The following ELOVL7 variants were observed in gnomAD, a reference collection of about 807,000 sequenced individuals.
The protein encoded by ELOVL7 is very long chain fatty acid elongase 7.
Under a neutral mutation model 35.7 loss-of-function variants are expected in ELOVL7, and 27 were observed. The observed-to-expected ratio is 0.76, with a 90% confidence interval of 0.56 to 1.04. The LOEUF is 1.04. ELOVL7 is among the 50% of genes least tolerant of loss of function. The probability of loss-of-function intolerance (pLI) is 0.00; values close to 1 mark genes in which losing one functional copy is unlikely to be tolerated. For synonymous variants in ELOVL7, 113 were observed against 114.6 expected (o/e 0.99, Z 0.09); for missense variants, 327 against 340.8 (o/e 0.96, Z 0.32).
At chr5:60,794,908 A>C (rs1744155883) in intron 2 of ELOVL7, among the ~76,000 whole-genome samples, 1 of 152,138 alleles carries the variant, frequency 6.6e-6, no homozygotes, top group Non-Finnish European at 1.5e-5. Context: ...GTAAAAACCA[A>C]ATGCTAACCT....
intron 2 of ELOVL7, among the ~76,000 whole-genome samples, chr5:60,793,106 G>A (rs1307819853): frequency 1.3e-5 from 2 of 152,110 alleles, no homozygotes; most frequent in Non-Finnish European, 2.9e-5. Context: ...TTTGAGGAGT[G>A]GGAGGCCCTT....
chr5:60,771,036 C>G (rs1224190585), intron 4 of ELOVL7, among the ~76,000 whole-genome samples: 1 of 152,166 alleles, frequency 6.6e-6, no homozygotes, highest in Non-Finnish European at 1.5e-5. Context: ...TATGATGGAT[C>G]TGTAGCAAGA....
chr5:60,817,112 A>T (rs1293428327), intron 1 of ELOVL7, among the ~76,000 whole-genome samples: 1 of 152,166 alleles, frequency 6.6e-6, no homozygotes, highest in Non-Finnish European at 1.5e-5. Flanking sequence ...TGACCACTTT[A>T]AATATTTATA....
At chr5:60,825,755 G>C (rs1470118391) in intron 1 of ELOVL7, among the ~76,000 whole-genome samples, 1 of 152,204 alleles carries the variant, frequency 6.6e-6, no homozygotes, top group African/African-American at 2.4e-5. Context: ...CAGTCTCAAA[G>C]AATAAAGGAC....
intron 1 of ELOVL7, among the ~76,000 whole-genome samples, chr5:60,806,890 C>G (rs1460203927): frequency 6.6e-6 from 1 of 152,034 alleles, no homozygotes; most frequent in East Asian, 1.9e-4. Flanking sequence ...GCTGCAAATA[C>G]AGAAAAAAGA....
intron 1 of ELOVL7, among the ~76,000 whole-genome samples, chr5:60,843,260 G>C (rs1579960441): frequency 6.6e-6 from 1 of 152,132 alleles, no homozygotes; most frequent in Non-Finnish European, 1.5e-5. Flanking sequence ...GCTCCTTCCC[G>C]TCCCGAGTTC....
chr5:60,840,339 A>T (rs994351986), intron 1 of ELOVL7, among the ~76,000 whole-genome samples: 2 of 152,162 alleles, frequency 1.3e-5, no homozygotes, highest in Non-Finnish European at 1.5e-5. Flanking sequence ...TGGTTATGTG[A>T]AGACACAGAC....
At chr5:60,840,936 C>A (rs1276449257) in intron 1 of ELOVL7, among the ~76,000 whole-genome samples, 6 of 146,868 alleles carry the variant, frequency 4.1e-5, no homozygotes, top group Non-Finnish European at 7.5e-5. Context: ...AGAATACAAA[C>A]AATATGAGTT....
chr5:60,799,335 T>A (rs765992624), intron 1 of ELOVL7, 105 bp from the exon 2 acceptor site: 3 of 150,532 alleles, frequency 2.0e-5, no homozygotes, highest in Non-Finnish European at 4.4e-5. Context: ...ACAATATAGA[T>A]TAGAGTAGAA....
At chr5:60,833,885 T>G (rs1422674616) in intron 1 of ELOVL7, among the ~76,000 whole-genome samples, 1 of 152,146 alleles carries the variant, frequency 6.6e-6, no homozygotes, top group East Asian at 1.9e-4. Context: ...AAAATATAAT[T>G]TTATTTTTCT....
At chr5:60,805,963 G>T (rs769722851) in intron 1 of ELOVL7, among the ~76,000 whole-genome samples, 23 of 152,162 alleles carry the variant, frequency 1.5e-4, no homozygotes, top group Admixed American at 2.6e-4. Context: ...TCCCAACATT[G>T]TATGTTAAAG....
chr5:60,770,026 G>A (rs916812049), intron 4 of ELOVL7, among the ~76,000 whole-genome samples: 2 of 150,696 alleles, frequency 1.3e-5, no homozygotes, highest in African/African-American at 4.9e-5. Context: ...ACTCCAGCTT[G>A]GGTGACAGAG....
intron 1 of ELOVL7, among the ~76,000 whole-genome samples, chr5:60,822,687 G>C (rs1202869239): frequency 6.6e-6 from 1 of 152,050 alleles, no homozygotes; most frequent in Non-Finnish European, 1.5e-5. Flanking sequence ...GAACAATAGT[G>C]GTCTAAAGAC....
At chr5:60,805,610 T>C (rs1004670042) in intron 1 of ELOVL7, among the ~76,000 whole-genome samples, 1 of 152,120 alleles carries the variant, frequency 6.6e-6, no homozygotes. Flanking sequence ...GGGAGAGCAA[T>C]TACACACTAT....
intron 8 of ELOVL7, 35 bp from the exon 9 acceptor site, chr5:60,754,868 A>T (rs372205505): frequency 6.3e-7 from 1 of 1,578,838 alleles, no homozygotes; most frequent in Non-Finnish European, 8.7e-7. Context: ...AATTATTCAG[A>T]TATGAAGAGT....
intron 1 of ELOVL7, among the ~76,000 whole-genome samples, chr5:60,817,260 G>C (rs908774718): frequency 6.6e-6 from 1 of 150,546 alleles, no homozygotes; most frequent in Non-Finnish European, 1.5e-5. Flanking sequence ...TTTCTCAGCA[G>C]AGAAATGAAA....
Position 60,793,265 on chromosome 5 carries a change from C to A in ELOVL7, c.-34-5834G>T, listed in dbSNP as rs187856264. Among the ~76,000 whole-genome samples, 18 of 152,254 alleles carry A rather than the reference C, an allele frequency of 1.2e-4. No homozygotes were observed. The East Asian group carries it at 3.3e-3, about 28-fold the overall frequency. ...TTTGGGTAACATGAACATGCAATTT[C>A]TCAAAGGAAGAGTGGTAATTCATAA... On this transcript the variant is annotated intron_variant, in intron 2 of 8. Transcript: ENST00000508821.
At chr5:60,798,224 G>A (rs1744382660) in intron 2 of ELOVL7, among the ~76,000 whole-genome samples, 1 of 152,184 alleles carries the variant, frequency 6.6e-6, no homozygotes, top group Non-Finnish European at 1.5e-5. Context: ...AATTAACTGA[G>A]AAACCTTTCA....
At chr5:60,758,289 C>T (rs1231500294) in intron 7 of ELOVL7, among the ~76,000 whole-genome samples, 3 of 152,144 alleles carry the variant, frequency 2.0e-5, no homozygotes, top group Non-Finnish European at 4.4e-5. Context: ...CATATAAACG[C>T]ATCACTAATT....
Sources: allele counts gnomAD v4.1 joint callset (sites outside exome capture counted in the v4.1 genomes callset), GRCh38; gene constraint gnomAD v4.1.1; transcripts MANE v1.5; gene names NCBI Gene and HGNC (gene_info 2026-07-23, HGNC 2026-07-21).